CLIP4: variants seen among roughly 807,000 people sequenced by gnomAD.
CLIP4 encodes the protein CAP-Gly domain-containing linker protein 4.
In CLIP4, 47 loss-of-function variants were observed where a neutral mutation model predicts 73.1. That is an observed-to-expected ratio of 0.64 (90% CI 0.51 to 0.82). The LOEUF (loss-of-function observed/expected upper bound fraction) is 0.82, where lower values mean the gene tolerates loss of function less well. CLIP4 is among the 40% of genes least tolerant of loss of function. CLIP4 has a pLI of 0.00. For synonymous variants in CLIP4, 306 were observed against 295.4 expected (o/e 1.04, Z -0.37); for missense variants, 874 against 852.9 (o/e 1.02, Z -0.31).
intron 1 of CLIP4, among the ~76,000 whole-genome samples, chr2:29,116,763 C>G (rs1376423769): frequency 6.6e-6 from 1 of 152,162 alleles, no homozygotes; most frequent in South Asian, 2.1e-4. Context: ...AAGATTGAGT[C>G]TAGCCATGCA....
At chr2:29,130,713 A>G in intron 2 of CLIP4, 1 of 1,221,498 alleles carries the variant, frequency 8.2e-7, no homozygotes, top group Non-Finnish European at 1.0e-6. Flanking sequence ...CTCTGCTTGT[A>G]TATGTGTCTT....
At chr2:29,142,862 T>C (rs1310904957) in intron 6 of CLIP4, among the ~76,000 whole-genome samples, 1 of 152,222 alleles carries the variant, frequency 6.6e-6, no homozygotes, top group Non-Finnish European at 1.5e-5. Flanking sequence ...GAATGTAAGA[T>C]GACAGATAAT....
chr2:29,132,466 G>A (rs1481936126), intron 4 of CLIP4: 2 of 523,440 alleles, frequency 3.8e-6, no homozygotes, highest in African/African-American at 2.0e-5. Flanking sequence ...TCTGGATCAG[G>A]CCTCATGCCT....
At chr2:29,129,600 C>G (rs1223447415) in intron 2 of CLIP4, among the ~76,000 whole-genome samples, 1 of 151,986 alleles carries the variant, frequency 6.6e-6, no homozygotes, top group East Asian at 1.9e-4. Context: ...TCAAGGTTAC[C>G]TGCTCAGATG....
intron 6 of CLIP4, among the ~76,000 whole-genome samples, chr2:29,142,041 C>G (rs116746503): frequency 1.3e-5 from 2 of 151,978 alleles, no homozygotes; most frequent in Non-Finnish European, 2.9e-5. Context: ...TTCCTGTTGT[C>G]GTGTTGTTAG....
chr2:29,178,834 G>A (rs1172407642), intron 15 of CLIP4, among the ~76,000 whole-genome samples: 2 of 151,924 alleles, frequency 1.3e-5, no homozygotes, highest in South Asian at 2.1e-4. Context: ...TTGCTCTGTC[G>A]CCCAGGCTGG....
intron 2 of CLIP4, among the ~76,000 whole-genome samples, chr2:29,126,032 G>A (rs746956001): frequency 2.2e-4 from 33 of 151,976 alleles, no homozygotes; most frequent in Admixed American, 5.9e-4. Flanking sequence ...AAAATTAGCC[G>A]TGTGTGGTGG....
At chr2:29,180,459 A>T (rs561021804) in intron 15 of CLIP4, among the ~76,000 whole-genome samples, 100 of 152,156 alleles carry the variant, frequency 6.6e-4, no homozygotes, top group Admixed American at 5.1e-3. Flanking sequence ...TGTTGTAGGG[A>T]GAAGGAGAGG....
chr2:29,163,237 A>G (rs538162370), intron 12 of CLIP4, among the ~76,000 whole-genome samples: 1 of 152,128 alleles, frequency 6.6e-6, no homozygotes, highest in Admixed American at 6.5e-5. Flanking sequence ...TCTCCCTATT[A>G]GCTAACCTAA....
chr2:29,118,579 C>T (rs978960097), intron 1 of CLIP4, among the ~76,000 whole-genome samples: 6 of 148,364 alleles, frequency 4.0e-5, no homozygotes, highest in Non-Finnish European at 7.4e-5. Context: ...ACTGCAGTGG[C>T]GGGATCTCGG....
chr2:29,158,923 A>G (rs1667112722), intron 11 of CLIP4, among the ~76,000 whole-genome samples: 1 of 152,184 alleles, frequency 6.6e-6, no homozygotes, highest in African/African-American at 2.4e-5. Context: ...GGCATGAGCC[A>G]TCATGCCCAG....
At chr2:29,160,719 A>G (rs547678367) in intron 12 of CLIP4, among the ~76,000 whole-genome samples, 5 of 152,120 alleles carry the variant, frequency 3.3e-5, no homozygotes, top group Non-Finnish European at 7.4e-5. Flanking sequence ...TCATTCTCCA[A>G]TTTTACTCTT....
intron 4 of CLIP4, among the ~76,000 whole-genome samples, chr2:29,132,879 C>A (rs1281709612): frequency 2.0e-5 from 3 of 151,906 alleles, no homozygotes; most frequent in Non-Finnish European, 4.4e-5. Context: ...AATATAAGCC[C>A]AAATATTTTT....
intron 1 of CLIP4, among the ~76,000 whole-genome samples, chr2:29,102,982 A>G (rs994535220): frequency 1.4e-4 from 22 of 151,836 alleles, no homozygotes; most frequent in South Asian, 8.3e-4. Context: ...ACTCCCCCAT[A>G]TATTCTGCAT....
intron 1 of CLIP4, among the ~76,000 whole-genome samples, chr2:29,119,392 A>C (rs1664100570): frequency 6.6e-6 from 1 of 151,572 alleles, no homozygotes; most frequent in Admixed American, 6.6e-5. Flanking sequence ...ATCACTTAAA[A>C]TTTTTTTTTT....
At chr2:29,133,006 A>C (rs1665085493) in intron 4 of CLIP4, among the ~76,000 whole-genome samples, 1 of 152,128 alleles carries the variant, frequency 6.6e-6, no homozygotes, top group Non-Finnish European at 1.5e-5. Context: ...TGGGCAACAC[A>C]GTGAGACCTT....
intron 6 of CLIP4, among the ~76,000 whole-genome samples, chr2:29,142,438 A>G (rs1665837258): frequency 6.6e-6 from 1 of 152,184 alleles, no homozygotes; most frequent in Non-Finnish European, 1.5e-5. Context: ...ATAGCTTACA[A>G]CTTAGCCTGG....
At chr2:29,123,958 A>C (rs1225489194) in intron 2 of CLIP4, among the ~76,000 whole-genome samples, 1 of 152,226 alleles carries the variant, frequency 6.6e-6, no homozygotes, top group Non-Finnish European at 1.5e-5. Flanking sequence ...GTTCATGCAG[A>C]ATACACATTA....
intron 1 of CLIP4, chr2:29,118,249 T>A (rs1259975755): frequency 6.6e-6 from 1 of 152,218 alleles, no homozygotes; most frequent in Non-Finnish European, 1.5e-5. Flanking sequence ...GTAAGGCCCT[T>A]TTATGGGGTC....
Sources: gnomAD v4.1 joint callset for allele counts (sites outside exome capture counted in the v4.1 genomes callset) on GRCh38, gnomAD v4.1.1 for gene constraint, MANE v1.5 for transcripts, NCBI Gene and HGNC (gene_info 2026-07-23, HGNC 2026-07-21) for gene names.